The following GRID1 variants were observed in gnomAD, a reference collection of about 807,000 sequenced individuals.
GRID1 encodes glutamate receptor ionotropic, delta-1.
A neutral mutation model predicts 98.0 loss-of-function variants in GRID1; 28 were observed. The ratio of observed to expected loss-of-function variants is 0.29; its 90% CI spans 0.21 to 0.39. The LOEUF (loss-of-function observed/expected upper bound fraction) is 0.39, where lower values mean the gene tolerates loss of function less well. GRID1 is among the 10% of genes least tolerant of loss of function. The pLI, the probability that GRID1 is intolerant of heterozygous loss-of-function variation, is 1.00. For missense variants in GRID1, 1,111 were observed against 1,340.5 expected (o/e 0.83, Z 2.67); for synonymous variants, 553 against 538.5 (o/e 1.03, Z -0.37).
chr10:85,849,776 C>T (rs1404289943), intron 8 of GRID1, among the ~76,000 whole-genome samples: 1 of 152,132 alleles, frequency 6.6e-6, no homozygotes, highest in African/African-American at 2.4e-5. Context: ...GCTGTGCAGA[C>T]CCCAATTCCC....
chr10:85,606,287 A>T (rs1333534833), intron 15 of GRID1: 1 of 152,202 alleles, frequency 6.6e-6, no homozygotes, highest in Non-Finnish European at 1.5e-5. Flanking sequence ...ACACACAGAA[A>T]GTGTCTACAC....
intron 3 of GRID1, among the ~76,000 whole-genome samples, chr10:86,183,514 C>A (rs1845687155): frequency 6.6e-6 from 1 of 152,196 alleles, no homozygotes; most frequent in African/African-American, 2.4e-5. Flanking sequence ...CATGCGCCAC[C>A]ATACCCCGCT....
chr10:86,118,456 C>T (rs1349373510), intron 4 of GRID1, among the ~76,000 whole-genome samples: 3 of 152,022 alleles, frequency 2.0e-5, no homozygotes, highest in Non-Finnish European at 2.9e-5. Context: ...TAACCAAACA[C>T]CACCTGTTCC....
At chr10:85,682,036 G>C (rs1590188054) in intron 12 of GRID1, among the ~76,000 whole-genome samples, 1 of 152,030 alleles carries the variant, frequency 6.6e-6, no homozygotes, top group East Asian at 1.9e-4. Flanking sequence ...GACAGCAACA[G>C]ATCCTGGATA....
intron 15 of GRID1, among the ~76,000 whole-genome samples, chr10:85,605,008 G>T (rs915792898): frequency 3.3e-5 from 5 of 152,172 alleles, no homozygotes; most frequent in Non-Finnish European, 7.3e-5. Flanking sequence ...AGCTGAATCC[G>T]GAACAAAGAG....
At chr10:85,849,060 C>A (rs969675973) in intron 8 of GRID1, among the ~76,000 whole-genome samples, 1 of 152,160 alleles carries the variant, frequency 6.6e-6, no homozygotes, top group Non-Finnish European at 1.5e-5. Context: ...GCTGTGCCCA[C>A]TTCCCAGGCT....
chr10:86,206,053 C>T lies in GRID1; in HGVS notation c.520+311G>A, dbSNP rs1208267863. Among the ~76,000 whole-genome samples, 1 of 152,228 alleles carries T rather than the reference C, an allele frequency of 6.6e-6. No individual in the cohort carries two copies. The highest frequency in any genetic ancestry group is 1.9e-4 in the East Asian group (1 of 5,200). ...CAGGAGGAACCATGCTTTCCAGCCT[C>T]CATCTGTGCCAGCATACAGCCCTTT... On this transcript the variant is annotated intron_variant, in intron 3 of 15. Coordinates refer to ENST00000327946, the MANE Select transcript of GRID1 (RefSeq NM_017551.3). This position sits in a 1 kb window ranked among gnomAD's most constrained non-coding sequence, Gnocchi z 4.1.
intron 2 of GRID1, among the ~76,000 whole-genome samples, chr10:86,233,525 C>T (rs954755070): frequency 6.6e-6 from 1 of 152,150 alleles, no homozygotes; most frequent in Non-Finnish European, 1.5e-5. Context: ...ACTTCCCTCA[C>T]CCAGGGGAGC....
At chr10:85,950,827 C>A (rs895041846) in intron 4 of GRID1, among the ~76,000 whole-genome samples, 6 of 152,268 alleles carry the variant, frequency 3.9e-5, no homozygotes, top group African/African-American at 1.4e-4. Flanking sequence ...CAGGTTCCAG[C>A]CGGATATGCA....
At chr10:85,908,552 G>C (rs1841493279) in intron 5 of GRID1, among the ~76,000 whole-genome samples, 1 of 152,112 alleles carries the variant, frequency 6.6e-6, no homozygotes, top group Non-Finnish European at 1.5e-5. Flanking sequence ...TAAATAATTA[G>C]GAAGATATGT....
Position 85,602,302 on chromosome 10 carries a change from G to A in GRID1, c.3001C>T (p.Leu1001=), listed in dbSNP as rs1842590125. ...ATGGAGGTCCCGTGGGAGGTGTCCA[G>A]AGCCTCTGGAAGGACGCCTCCAGGC... ...PVPGGVLPEA[L]DTSHGTSI Residue 1001 remains leucine (L), a synonymous_variant, in exon 16 of 16, where the codon CTG becomes TTG. Transcript: ENST00000327946. The A allele has an allele frequency of 2.0e-6, 3 of 1,538,364 alleles. No homozygotes were observed. Among genetic ancestry groups the A allele is most frequent in the Admixed American group, 2.0e-5 (1 of 50,522 alleles).
At chr10:86,010,930 A>ATTC (rs1330700699) in intron 4 of GRID1, among the ~76,000 whole-genome samples, 3 of 152,166 alleles carry the variant, frequency 2.0e-5, no homozygotes, top group Non-Finnish European at 4.4e-5. Flanking sequence ...ATGAATCATG[A>ATTC]AGGCTATCAA....
chr10:85,646,898 A>T, intron 13 of GRID1: 1 of 394,976 alleles, frequency 2.5e-6, no homozygotes, highest in Non-Finnish European at 4.7e-6. Context: ...AATTGTTCTC[A>T]CCTCGGGTGG....
chr10:86,025,414 C>T (rs1843103783), intron 4 of GRID1, among the ~76,000 whole-genome samples: 1 of 152,208 alleles, frequency 6.6e-6, no homozygotes. Flanking sequence ...TCACTTGACT[C>T]CTCACTTCCT....
chr10:86,217,503 T>G (rs1846191959), intron 2 of GRID1, among the ~76,000 whole-genome samples: 1 of 152,226 alleles, frequency 6.6e-6, no homozygotes, highest in Non-Finnish European at 1.5e-5. Flanking sequence ...GTGGAGGAGC[T>G]TGGGGCCAAT....
At chr10:86,093,116 C>T (rs1313080373) in intron 4 of GRID1, among the ~76,000 whole-genome samples, 1 of 152,182 alleles carries the variant, frequency 6.6e-6, no homozygotes, top group Non-Finnish European at 1.5e-5. Context: ...ATTCAATAGC[C>T]TGCTCATGAA....
intron 3 of GRID1, among the ~76,000 whole-genome samples, chr10:86,189,325 G>C (rs539778419): frequency 2.2e-3 from 331 of 151,974 alleles, no homozygotes; most frequent in African/African-American, 7.6e-3. Flanking sequence ...CTAACTAGTC[G>C]GCTTCCAACT....
At chr10:86,143,738 C>T (rs1845044252) in intron 3 of GRID1, among the ~76,000 whole-genome samples, 1 of 152,218 alleles carries the variant, frequency 6.6e-6, no homozygotes, top group South Asian at 2.1e-4. Flanking sequence ...TCTCCAGGCA[C>T]CCAGGAGAGG....
Position 86,275,649 on chromosome 10 carries a change from TA to T in GRID1, c.236-69002del, listed in dbSNP as rs200796300. Among the ~76,000 whole-genome samples, 115 of 152,072 alleles carry T rather than the reference TA, an allele frequency of 7.6e-4. No homozygotes were observed. The East Asian group carries it at 0.01, about 14-fold the overall frequency. On this transcript the variant is annotated intron_variant, in intron 2 of 15. Transcript: ENST00000327946. ...TACAATAACAAAATGAAAAATTCAT[TA>T]GGGGGTTAAAGAGCAGATTTGAACA...
Sources: allele counts gnomAD v4.1 joint callset (sites outside exome capture counted in the v4.1 genomes callset), GRCh38; gene constraint gnomAD v4.1.1; non-coding constraint Gnocchi (gnomAD v3.1); transcripts MANE v1.5; gene names NCBI Gene and HGNC (gene_info 2026-07-23, HGNC 2026-07-21).